Variants in SBF1 observed in about 807,000 individuals in gnomAD.
SBF1 encodes myotubularin-related protein 5.
SBF1 carries 65 observed loss-of-function variants against 215.8 expected under a neutral mutation model. The ratio of observed to expected loss-of-function variants is 0.30; its 90% confidence interval spans 0.25 to 0.37. The LOEUF is 0.37. Among genes scored for constraint, SBF1 ranks in the 10% least tolerant of loss-of-function variants. SBF1 has a pLI of 1.00. For missense variants in SBF1, 2,634 were observed against 2,667.8 expected, an observed-to-expected ratio of 0.99 and a Z score of 0.28; for synonymous variants, 1,410 against 1,122.8, an observed-to-expected ratio of 1.26 and a Z score of -5.11.
At position 50,456,622 on chromosome 22, in the gene SBF1, T is replaced by A. The variant is rs761814921; in HGVS notation, c.3956A>T (p.Asp1319Val). 9.9e-6 allele frequency: 15 copies of A among 1,518,370 alleles called. No individual in the cohort carries two copies. The East Asian group carries it at 3.0e-4, about 31-fold the overall frequency. 94.1% of individuals were successfully genotyped at this position (1,518,370 alleles called of 1,614,324 possible). ...TCTGCCAGCTAGCCGGGAGCCCACA[T>A]CGGTGCCAAGGCCACTGCTGCGTCC... ...TSGRSSGLGTDVGSRLAGRDA... is the reference protein window; with the variant it reads ...TSGRSSGLGTVVGSRLAGRDA... The change falls in exon 30 of 41, where the codon GAT (aspartate) becomes GTT (valine). Residue 1319 changes from aspartate (D) to valine (V), a missense_variant. Transcript: ENST00000380817.
rs758881144 is a variant in SBF1, at chr22:50,456,663, G to A, written c.3915C>T (p.Gly1305=). The change falls in exon 30 of 41, where the codon GGC becomes GGT. Residue 1305 remains glycine (G), a synonymous_variant. Transcript: ENST00000380817. ...TGCTGCGTCCACTGGTCCGGACACT[G>A]CCCCACTTACCTGTGAAGGAGATGC... ...SRRTAPRGKW[G]SVRTSGRSSG... 3 of 1,481,088 alleles carry A rather than the reference G, an allele frequency of 2.0e-6. No individual in the cohort carries two copies. Among genetic ancestry groups the A allele is most frequent in the East Asian group, 2.4e-5 (1 of 41,536 alleles). 91.7% of individuals were successfully genotyped at this position (1,481,088 alleles called of 1,614,324 possible). A position where few individuals can be genotyped will look rare whatever the true frequency, so the allele number is the denominator to read the frequency against.
rs781029297 is a variant in SBF1, at chr22:50,459,546, C to T, written c.3612G>A (p.Ala1204=). Residue 1204 remains alanine, a synonymous_variant, in exon 27 of 41, where the codon GCG becomes GCA. Coordinates refer to ENST00000380817, the MANE Select transcript of SBF1 (RefSeq NM_002972.4). The stretch of plus-strand genomic sequence containing the variant: ...GCAGGCCTCCAGAGCGCAGCAGCAC[C>T]GCCTTGGACCGCCCGCTGCGCCAGC... The part of the protein sequence containing the change: ...VVCWRSGRSK[A]VLLRSGGLHG... 5.5e-5 allele frequency: 88 copies of T among 1,608,376 alleles called. No individual in the cohort carries two copies. The highest frequency in any genetic ancestry group is 3.2e-4 in the Admixed American group (19 of 59,104).
intron 15 of SBF1, among the ~76,000 whole-genome samples, chr22:50,464,046 G>C (rs138720743): frequency 6.6e-5 from 10 of 152,344 alleles, no homozygotes; most frequent in Non-Finnish European, 1.2e-4. Flanking sequence ...CCCAATTTAA[G>C]GGGAAGGACA....
Position 50,460,378 on chromosome 22 carries a change from G to A in SBF1, c.3177C>T (p.Ala1059=), listed in dbSNP as rs2067454010. The change falls in exon 25 of 41, where the codon GCC becomes GCT. Residue 1059 remains alanine, a synonymous_variant. Transcript: ENST00000380817. ...CATGCTGCCGCCCGATGGTCTTCTT[G>A]GCGTTCTTGACCAGGTTCCGGGACA... is the stretch of plus-strand genomic sequence containing the variant. ...RTLSRNLVKN[A]KKTIGRQHVT... The A allele has an allele frequency of 1.2e-6, 2 of 1,613,138 alleles. No individual in the cohort carries two copies. The highest frequency in any genetic ancestry group is 1.1e-5 in the South Asian group (1 of 90,978).
chr22:50,446,890 C>T lies in SBF1; in HGVS notation c.*252G>A, dbSNP rs550186623. On this transcript the variant is annotated 3_prime_UTR_variant, in exon 41 of 41. Coordinates refer to ENST00000380817, the MANE Select transcript of SBF1 (RefSeq NM_002972.4). ...CTGGACCAGCACACGCTGACGGGGC[C>T]GGACTATTTACAGGCCCATTGCGGG... 268 of 743,760 alleles carry T rather than the reference C, an allele frequency of 3.6e-4. No homozygotes were observed. Among genetic ancestry groups the T allele is most frequent in the East Asian group, 1.5e-3 (61 of 40,176 alleles). 46.1% of individuals were successfully genotyped at this position (743,760 alleles called of 1,614,324 possible).
intron 5 of SBF1, 151 bp from the exon 6 acceptor site, chr22:50,466,861 A>G: frequency 1.7e-6 from 1 of 601,478 alleles, no homozygotes; most frequent in Non-Finnish European, 3.0e-6. Flanking sequence ...GGGAAACGCC[A>G]TGCCCTGCCT....
intron 38 of SBF1, 50 bp from the exon 39 acceptor site, chr22:50,447,659 A>G: frequency 7.2e-7 from 1 of 1,390,322 alleles, no homozygotes; most frequent in Non-Finnish European, 1.0e-6. Flanking sequence ...GGCCCAGCCA[A>G]GCCCAGGCCC....
In SBF1 at chr22:50,445,211, G is replaced by C. The variant is rs981545674; in HGVS notation, c.*1931C>G. On this transcript the variant is annotated 3_prime_UTR_variant, in exon 41 of 41. Transcript: ENST00000380817. ...GCGTTATCCCCGTGTAATGGGTGGA[G>C]GCGGAACAGGCCACATCACGGCATC... 1 of 152,360 alleles carries C rather than the reference G, an allele frequency of 6.6e-6. No individual in the cohort carries two copies. The highest frequency in any genetic ancestry group is 1.5e-5 in the Non-Finnish European group (1 of 68,078). 9.4% of individuals were successfully genotyped at this position (152,360 alleles called of 1,614,324 possible).
At position 50,466,561 on chromosome 22, in the gene SBF1, G is replaced by C. The variant is rs760785711; in HGVS notation, c.655+44C>G. 8 of 1,529,780 alleles carry C rather than the reference G, an allele frequency of 5.2e-6. No individual in the cohort carries two copies. In the South Asian group the frequency reaches 9.7e-5, roughly 19 times the overall value. 94.8% of individuals were successfully genotyped at this position (1,529,780 alleles called of 1,614,324 possible). ...TGAGAACCCACATCCCTAACTACCA[G>C]TCCCCGAGGGGAAGCCATGCGGGGG... is the stretch of plus-strand genomic sequence containing the variant. On this transcript the variant is annotated intron_variant, in intron 6 of 40. Coordinates refer to ENST00000380817, the MANE Select transcript of SBF1 (RefSeq NM_002972.4).
rs1008642196 is a variant in SBF1, at chr22:50,456,141, G to C, written c.4266+75C>G. ...CCACACTGTCAGACAAGCAAACCTA[G>C]ACCCGTCCACTTGGCTCTACCCAAG... On this transcript the variant is annotated intron_variant, in intron 31 of 40. Coordinates refer to ENST00000380817, the MANE Select transcript of SBF1 (RefSeq NM_002972.4). The C allele has an allele frequency of 5.4e-6, 8 of 1,483,798 alleles. No homozygotes were observed. The African/African-American group carries it at 8.3e-5, about 15-fold the overall frequency. 91.9% of individuals were successfully genotyped at this position (1,483,798 alleles called of 1,614,324 possible). A position where few individuals can be genotyped will look rare whatever the true frequency, so the allele number is the denominator to read the frequency against.
chr22:50,463,961 A>G (rs5771040), intron 15 of SBF1, among the ~76,000 whole-genome samples: 106,724 of 152,106 alleles, frequency 0.7, 38,165 homozygotes, highest in East Asian at 0.96. Context: ...CATAAGATGC[A>G]AGGAACAGGT....
Position 50,461,929 on chromosome 22 carries a change from C to T in SBF1, c.2569+18G>A. On this transcript the variant is annotated intron_variant, in intron 20 of 40. Transcript: ENST00000380817. ...CCCCACCCATCCAAGGGGGAATCACCAGCCCAAACCCCCGTACCTGGCACC... is the reference window on the plus strand; with the variant it reads ...CCCCACCCATCCAAGGGGGAATCACTAGCCCAAACCCCCGTACCTGGCACC... The T allele has an allele frequency of 6.2e-7, 1 of 1,613,938 alleles. No homozygotes were observed. Among genetic ancestry groups the T allele is most frequent in the Non-Finnish European group, 8.5e-7 (1 of 1,179,810 alleles).
At chr22:50,457,900 C>T (rs1219821558) in intron 28 of SBF1, among the ~76,000 whole-genome samples, 1 of 152,256 alleles carries the variant, frequency 6.6e-6, no homozygotes, top group Admixed American at 6.5e-5. Context: ...GCCCAACACG[C>T]CCTGTGTCCT....
intron 1 of SBF1, among the ~76,000 whole-genome samples, chr22:50,473,290 A>G (rs1412915450): frequency 1.3e-5 from 2 of 152,004 alleles, no homozygotes; most frequent in Non-Finnish European, 2.9e-5. Context: ...ACGCCAAGAC[A>G]GCCCTCAGCC....
chr22:50,463,029 G>T, intron 16 of SBF1, 91 bp from the exon 17 acceptor site: 1 of 1,325,280 alleles, frequency 7.5e-7, no homozygotes, highest in Non-Finnish European at 1.1e-6. Context: ...AACCACCACA[G>T]ACCAGCACCT....
At chr22:50,449,187 C>T (rs1431487695) in intron 36 of SBF1, among the ~76,000 whole-genome samples, 1 of 151,086 alleles carries the variant, frequency 6.6e-6, no homozygotes, top group Non-Finnish European at 1.5e-5. Flanking sequence ...AAAAAAAAGA[C>T]CACACAATAC....
intron 31 of SBF1, chr22:50,455,920 G>A: frequency 1.8e-6 from 1 of 558,322 alleles, no homozygotes; most frequent in Non-Finnish European, 3.2e-6. Context: ...GAATGCAGCA[G>A]GGGCCCAGAA....
chr22:50,471,893 T>C (rs1207159506), intron 1 of SBF1, among the ~76,000 whole-genome samples: 2 of 152,122 alleles, frequency 1.3e-5, no homozygotes, highest in South Asian at 2.1e-4. Context: ...GGCGAGGCCA[T>C]AGGGTGAAAG....
At chr22:50,453,918 G>T (rs149927790) in intron 36 of SBF1, among the ~76,000 whole-genome samples, 119 of 152,216 alleles carry the variant, frequency 7.8e-4, no homozygotes, top group African/African-American at 2.7e-3. Context: ...CTCCGGGATG[G>T]CCCCAAAAGG....
Sources: gnomAD v4.1 joint callset for allele counts (sites outside exome capture counted in the v4.1 genomes callset) on GRCh38, gnomAD v4.1.1 for gene constraint, MANE v1.5 for transcripts, NCBI Gene and HGNC (gene_info 2026-07-23, HGNC 2026-07-21) for gene names.